RASAL1: variants seen among roughly 807,000 people sequenced by gnomAD.
RASAL1 encodes the protein rasGAP-activating-like protein 1.
RASAL1 carries 72 observed loss-of-function variants against 96.6 expected under a neutral mutation model. The ratio of observed to expected loss-of-function variants is 0.75; its 90% confidence interval spans 0.62 to 0.91. The LOEUF is 0.91. Among genes scored for constraint, RASAL1 ranks in the 40% least tolerant of loss-of-function variants. The pLI, the probability that RASAL1 is intolerant of heterozygous loss-of-function variation, is 0.00. For missense variants in RASAL1, 1,016 were observed against 1,072.5 expected (o/e 0.95, Z 0.74); for synonymous variants, 405 against 430.4 (o/e 0.94, Z 0.73).
rs1951873557 is a variant in RASAL1, at chr12:113,135,324, C to T, written c.65+74G>A. Reference sequence around the variant, plus strand: ...GCCCTCCTGCCAACCCGCCCTGGCACGCGGAAAGGGCGACGTCGGCCCCAC... The same window carrying T: ...GCCCTCCTGCCAACCCGCCCTGGCATGCGGAAAGGGCGACGTCGGCCCCAC... On this transcript the variant is annotated intron_variant, in intron 1 of 20. Coordinates refer to ENST00000548055, the MANE Select transcript of RASAL1 (RefSeq NM_001301202.2). The surrounding 1 kb of genome is among the most constrained non-coding windows in gnomAD (Gnocchi z 5.7). The T allele has an allele frequency of 1.4e-6, 2 of 1,420,708 alleles. No individual in the cohort carries two copies. The highest frequency in any genetic ancestry group is 2.5e-5 in the East Asian group (1 of 40,492). The allele number at this position is 1,420,708 out of a possible 1,614,324, so 88.0% of individuals were successfully genotyped here. A position where few individuals can be genotyped will look rare whatever the true frequency, so the allele number is the denominator to read the frequency against.
At chr12:113,103,639 T>C (rs1950540464) in intron 18 of RASAL1, 2 of 458,440 alleles carry the variant, frequency 4.4e-6, no homozygotes, top group Non-Finnish European at 3.9e-6. Flanking sequence ...TATGCACTCA[T>C]CTTTCTTGAG....
intron 19 of RASAL1, among the ~76,000 whole-genome samples, chr12:113,101,388 C>T (rs906778335): frequency 1.3e-5 from 2 of 152,170 alleles, no homozygotes; most frequent in Non-Finnish European, 2.9e-5. Context: ...TGCACTCCAG[C>T]CTGGGCAACA....
At position 113,119,263 on chromosome 12, in the gene RASAL1, AG is replaced by A. The variant is rs1439160774; in HGVS notation, c.511-5del. On this transcript the variant is annotated splice_polypyrimidine_tract_variant and splice_region_variant and intron_variant, in intron 6 of 20. Coordinates refer to ENST00000548055, the MANE Select transcript of RASAL1 (RefSeq NM_001301202.2). ...GGAAGCGAGTCTTCTTGATGGTCTG[AG>A]GGCGAAGGAAGTGGTCTGTGAGTGG... is the stretch of plus-strand genomic sequence containing the variant. 6.2e-7 allele frequency: 1 copy of A among 1,612,284 alleles called. No homozygotes were observed. Among genetic ancestry groups the A allele is most frequent in the African/African-American group, 1.3e-5 (1 of 74,876 alleles).
At chr12:113,106,184 G>T (rs189992882) in intron 15 of RASAL1, among the ~76,000 whole-genome samples, 42 of 152,212 alleles carry the variant, frequency 2.8e-4, no homozygotes, top group African/African-American at 9.9e-4. Flanking sequence ...TCCCATCCAG[G>T]CAATGTCCAG....
chr12:113,111,624 A>G (rs1950867740), intron 13 of RASAL1, among the ~76,000 whole-genome samples: 3 of 152,130 alleles, frequency 2.0e-5, no homozygotes, highest in Admixed American at 6.5e-5. Context: ...GACAGAGTCT[A>G]TCTCTGTCAC....
intron 1 of RASAL1, 70 bp from the exon 2 acceptor site, chr12:113,131,011 GA>G: frequency 8.2e-7 from 1 of 1,219,242 alleles, no homozygotes; most frequent in East Asian, 2.3e-5. Context: ...TCCCAGTCAT[GA>G]CACAGGCAGG....
Position 113,100,023 on chromosome 12 carries a change from C to T in RASAL1, c.2324G>A (p.Arg775His), listed in dbSNP as rs371474518. Residue 775 changes from arginine to histidine, a missense_variant, in exon 21 of 21, where the codon CGC becomes CAC. Arg to His is a conservative substitution (Grantham distance 29). Coordinates refer to ENST00000548055, the MANE Select transcript of RASAL1 (RefSeq NM_001301202.2). ...CAGGTCTGCGAGCACCTCCAGCAGG[C>T]GGGCAGTTGCTGCTCTTTGCCGGGC... ...VLARQRAATA[R>H]LLEVLADLDR... The T allele has an allele frequency of 8.0e-5, 129 of 1,613,338 alleles. 2 individuals are homozygous for T. The highest frequency in any genetic ancestry group is 6.8e-4 in the South Asian group (62 of 90,964).
At position 113,135,381 on chromosome 12, in the gene RASAL1, G is replaced by A. The variant is rs567000295; in HGVS notation, c.65+17C>T. 3 of 1,602,654 alleles carry A rather than the reference G, an allele frequency of 1.9e-6. No homozygotes were observed. The highest frequency in any genetic ancestry group is 2.6e-6 in the Non-Finnish European group (3 of 1,175,442). ...CCTTGCGCGCCCCTCACCCAGAAGCGCCCGAGGAGTACTCACACGTCCTTG... is the reference window on the plus strand; with the variant it reads ...CCTTGCGCGCCCCTCACCCAGAAGCACCCGAGGAGTACTCACACGTCCTTG... On this transcript the variant is annotated intron_variant, in intron 1 of 20. Coordinates refer to ENST00000548055, the MANE Select transcript of RASAL1 (RefSeq NM_001301202.2). The surrounding 1 kb of genome is among the most constrained non-coding windows in gnomAD (Gnocchi z 5.7).
intron 18 of RASAL1, chr12:113,102,838 C>T (rs908901063): frequency 3.0e-4 from 47 of 154,482 alleles, no homozygotes; most frequent in Non-Finnish European, 3.6e-4. Flanking sequence ...ACTCCTCCCT[C>T]ATTCTAGGCT....
At chr12:113,127,057 T>A (rs1290050680) in intron 4 of RASAL1, among the ~76,000 whole-genome samples, 4 of 143,882 alleles carry the variant, frequency 2.8e-5, no homozygotes, top group South Asian at 2.2e-4. Context: ...TTATTATTTT[T>A]AAATTATTTT....
rs750790232 is a variant in RASAL1, at chr12:113,115,310, C to T, written c.1004-46G>A. The T allele has an allele frequency of 2.0e-6, 3 of 1,516,704 alleles. No homozygotes were observed. Among genetic ancestry groups the T allele is most frequent in the African/African-American group, 1.4e-5 (1 of 72,926 alleles). The allele number at this position is 1,516,704 out of a possible 1,614,324, so 94.0% of individuals were successfully genotyped here. On this transcript the variant is annotated intron_variant, in intron 10 of 20. Transcript: ENST00000548055. This position sits in a 1 kb window ranked among gnomAD's most constrained non-coding sequence, Gnocchi z 4.1. The stretch of plus-strand genomic sequence containing the variant: ...GTTTGCTGGGATTTAGGGAGCTGAA[C>T]CCAGCTCACCCCACTCACCCAAGGT...
intron 12 of RASAL1, among the ~76,000 whole-genome samples, chr12:113,112,885 G>A (rs186500594): frequency 6.6e-6 from 1 of 152,242 alleles, no homozygotes; most frequent in African/African-American, 2.4e-5. Flanking sequence ...ATGGGAAGTG[G>A]AGGTTGCAGT....
intron 5 of RASAL1, among the ~76,000 whole-genome samples, chr12:113,119,761 G>A (rs1450214231): frequency 6.7e-6 from 1 of 149,842 alleles, no homozygotes; most frequent in Admixed American, 6.6e-5. Flanking sequence ...AGATTCTCTG[G>A]AGGCCCCAGA....
At chr12:113,114,113 T>A (rs186672266) in intron 12 of RASAL1, among the ~76,000 whole-genome samples, 4 of 152,210 alleles carry the variant, frequency 2.6e-5, no homozygotes, top group African/African-American at 9.6e-5. Flanking sequence ...TAAGGGACAT[T>A]TTAGAAGTAG....
rs527467430 is a variant in RASAL1 at position 113,117,794 on chromosome 12, C to T, written c.643-633G>A. ...GTAGATTTGCCTATTCTAGACATTT[C>T]GTATAAATGGAATCATATGTGTTTT... On this transcript the variant is annotated intron_variant, in intron 7 of 20. Coordinates refer to ENST00000548055, the MANE Select transcript of RASAL1 (RefSeq NM_001301202.2). Among the ~76,000 whole-genome samples the T allele has an allele frequency of 5.9e-5, 9 of 152,276 alleles. No individual in the cohort carries two copies. The East Asian group carries it at 1.5e-3, about 26-fold the overall frequency.
chr12:113,100,166 G>T (rs758305386), intron 20 of RASAL1, 98 bp from the exon 21 acceptor site: 1 of 1,361,252 alleles, frequency 7.3e-7, no homozygotes, highest in Non-Finnish European at 9.8e-7. Flanking sequence ...TGTGCCTTGT[G>T]CCCTGAGAAC....
At chr12:113,103,138 A>G (rs903843134) in intron 18 of RASAL1, 11 of 203,312 alleles carry the variant, frequency 5.4e-5, no homozygotes, top group Non-Finnish European at 7.2e-5. Flanking sequence ...ACATCATTAT[A>G]TATTGTATAT....
intron 16 of RASAL1, among the ~76,000 whole-genome samples, 194 bp from the exon 17 acceptor site, chr12:113,104,492 T>C (rs1414367965): frequency 6.6e-6 from 1 of 152,038 alleles, no homozygotes; most frequent in Non-Finnish European, 1.5e-5. Flanking sequence ...TCCCCTTTTA[T>C]TTTTTTAATT....
intron 13 of RASAL1, among the ~76,000 whole-genome samples, chr12:113,110,756 A>G (rs1415876583): frequency 6.6e-6 from 1 of 152,120 alleles, no homozygotes; most frequent in Non-Finnish European, 1.5e-5. Context: ...CTGTCTCTAG[A>G]AAAATAAATA....
Sources: allele counts gnomAD v4.1 joint callset (sites outside exome capture counted in the v4.1 genomes callset), GRCh38; gene constraint gnomAD v4.1.1; non-coding constraint Gnocchi (gnomAD v3.1); transcripts MANE v1.5; gene names NCBI Gene and HGNC (gene_info 2026-07-23, HGNC 2026-07-21).